CDH13: variants seen among roughly 807,000 people sequenced by gnomAD.
CDH13 encodes the protein cadherin-13.
In CDH13, 24 loss-of-function variants were observed where a neutral mutation model predicts 63.8. The ratio of observed to expected loss-of-function variants is 0.38; its 90% CI spans 0.27 to 0.53. CDH13 has a LOEUF of 0.53. Ranked by LOEUF, CDH13 falls within the 20% of genes least tolerant of loss-of-function variation. The pLI is 0.85. For synonymous variants in CDH13, 503 were observed against 355.3 expected (o/e 1.42, Z -4.67); for missense variants, 1,049 against 903.1 (o/e 1.16, Z -2.07).
chr16:83,672,126 G>A (rs1914551111), intron 9 of CDH13, among the ~76,000 whole-genome samples: 1 of 152,158 alleles, frequency 6.6e-6, no homozygotes, highest in South Asian at 2.1e-4. Flanking sequence ...AGACACCCAT[G>A]TTTTCTGTGC....
chr16:82,825,049 A>T (rs1244858222), intron 1 of CDH13: 2 of 152,208 alleles, frequency 1.3e-5, no homozygotes, highest in Non-Finnish European at 2.9e-5. Context: ...CAGGTGAGCT[A>T]ATGGTAGCCA....
At chr16:82,953,428 A>T (rs756286808) in intron 2 of CDH13, 1 of 152,180 alleles carries the variant, frequency 6.6e-6, no homozygotes, top group Non-Finnish European at 1.5e-5. Context: ...GAAGGTCTGC[A>T]AGCTATTTTA....
At chr16:83,524,044 C>G (rs533525407) in intron 7 of CDH13, among the ~76,000 whole-genome samples, 1 of 152,314 alleles carries the variant, frequency 6.6e-6, no homozygotes, top group Admixed American at 6.5e-5. Flanking sequence ...AGTCCACCCA[C>G]AGGAGATGAG....
At chr16:83,773,163 G>A (rs931243006) in intron 11 of CDH13, among the ~76,000 whole-genome samples, 2 of 152,150 alleles carry the variant, frequency 1.3e-5, no homozygotes, top group African/African-American at 4.8e-5. Flanking sequence ...TCAGGTCCTT[G>A]AGAAAAGTGG....
At chr16:82,919,724 T>G (rs569865663) in intron 2 of CDH13, among the ~76,000 whole-genome samples, 3 of 152,330 alleles carry the variant, frequency 2.0e-5, no homozygotes, top group African/African-American at 7.2e-5. Flanking sequence ...TGGAAACTGG[T>G]AGCAGAACTT....
intron 6 of CDH13, among the ~76,000 whole-genome samples, chr16:83,369,456 G>A (rs2091322578): frequency 6.6e-6 from 1 of 152,022 alleles, no homozygotes; most frequent in Non-Finnish European, 1.5e-5. Context: ...GGTCTCCTGT[G>A]TTGCCAGTCT....
intron 11 of CDH13, among the ~76,000 whole-genome samples, chr16:83,759,403 A>G (rs563519975): frequency 6.6e-6 from 1 of 152,196 alleles, no homozygotes; most frequent in East Asian, 1.9e-4. Context: ...TTCTAGATAT[A>G]TTACAGATCA....
intron 5 of CDH13, among the ~76,000 whole-genome samples, chr16:83,302,837 A>G (rs1382763916): frequency 2.0e-5 from 3 of 152,232 alleles, no homozygotes; most frequent in African/African-American, 7.2e-5. Flanking sequence ...GCTTCATGTG[A>G]CAGATATCTC....
At chr16:82,848,859 A>G (rs776516789) in intron 1 of CDH13, among the ~76,000 whole-genome samples, 2 of 152,238 alleles carry the variant, frequency 1.3e-5, no homozygotes, top group Non-Finnish European at 2.9e-5. Context: ...TGAGGAAGGC[A>G]TGTCAAAAGC....
At chr16:83,720,535 G>A (rs1182102979) in intron 10 of CDH13, among the ~76,000 whole-genome samples, 2 of 152,044 alleles carry the variant, frequency 1.3e-5, no homozygotes, top group Admixed American at 6.5e-5. Flanking sequence ...TTGAGCGTAG[G>A]AGTTCGAGGA....
intron 7 of CDH13, among the ~76,000 whole-genome samples, chr16:83,587,538 G>T (rs1906289063): frequency 6.6e-6 from 1 of 152,156 alleles, no homozygotes; most frequent in African/African-American, 2.4e-5. Flanking sequence ...GACCTTAAAA[G>T]CATTACCTTC....
At chr16:83,084,786 G>A (rs1236027510) in intron 3 of CDH13, among the ~76,000 whole-genome samples, 8 of 152,188 alleles carry the variant, frequency 5.3e-5, no homozygotes, top group Non-Finnish European at 8.8e-5. Context: ...TACTCAGGAG[G>A]CTGAGGCAGG....
chr16:83,607,729 T>C (rs904063334), intron 8 of CDH13, among the ~76,000 whole-genome samples: 12 of 152,242 alleles, frequency 7.9e-5, no homozygotes, highest in Non-Finnish European at 1.2e-4. Context: ...GAGTTTTCTA[T>C]AAGTTTTCCT....
intron 3 of CDH13, among the ~76,000 whole-genome samples, chr16:83,071,643 C>T (rs1017990028): frequency 6.6e-5 from 10 of 152,108 alleles, no homozygotes; most frequent in African/African-American, 9.7e-5. Flanking sequence ...CTTTCAGGTA[C>T]GAGCAAGCTG....
chr16:83,749,242 T>C (rs7205817), intron 11 of CDH13, among the ~76,000 whole-genome samples: 22,413 of 152,156 alleles, frequency 0.15, 2,522 homozygotes, highest in African/African-American at 0.31. Flanking sequence ...AAGGGTGAAC[T>C]AAGAGTTCTC....
intron 7 of CDH13, among the ~76,000 whole-genome samples, chr16:83,529,511 C>G (rs1389701578): frequency 6.6e-6 from 1 of 152,040 alleles, no homozygotes; most frequent in Non-Finnish European, 1.5e-5. Context: ...CTGATAATAT[C>G]TATGATTTAC....
chr16:83,242,147 G>A (rs1051076364), intron 5 of CDH13, among the ~76,000 whole-genome samples: 27 of 152,068 alleles, frequency 1.8e-4, no homozygotes, highest in African/African-American at 6.0e-4. Flanking sequence ...TATACATAAG[G>A]GTTTATTTCT....
chr16:82,743,326 T>A (rs1402420594), intron 1 of CDH13, among the ~76,000 whole-genome samples: 1 of 152,164 alleles, frequency 6.6e-6, no homozygotes, highest in Admixed American at 6.5e-5. Flanking sequence ...TTCCCGGGCT[T>A]AGGCGATCCT....
At chr16:83,711,126 C>A (rs138167250) in intron 10 of CDH13, among the ~76,000 whole-genome samples, 1 of 152,308 alleles carries the variant, frequency 6.6e-6, no homozygotes, top group African/African-American at 2.4e-5. Context: ...CTAAAGCTGT[C>A]CCTTCTCCAC....
Sources: allele counts gnomAD v4.1 joint callset (sites outside exome capture counted in the v4.1 genomes callset), GRCh38; gene constraint gnomAD v4.1.1; transcripts MANE v1.5; gene names NCBI Gene and HGNC (gene_info 2026-07-23, HGNC 2026-07-21).